Variants in PHF11 observed in about 807,000 individuals in gnomAD.
PHF11 encodes BRCA1 C-terminus-associated protein.
In PHF11, 38 loss-of-function variants were observed where a neutral mutation model predicts 40.5. The observed-to-expected ratio is 0.94, with a 90% confidence interval of 0.72 to 1.23. The LOEUF is 1.23. PHF11 is among the 50% of genes most tolerant of loss of function. The probability of loss-of-function intolerance (pLI) is 0.00; values close to 1 mark genes in which losing one functional copy is unlikely to be tolerated. For synonymous variants in PHF11, 127 were observed against 138.2 expected (o/e 0.92, Z 0.57); for missense variants, 369 against 392.4 (o/e 0.94, Z 0.50).
chr13:49,517,459 A>G (rs747838252), intron 3 of PHF11, among the ~76,000 whole-genome samples: 1 of 152,228 alleles, frequency 6.6e-6, no homozygotes, highest in Non-Finnish European at 1.5e-5. Context: ...TGAACCAAGA[A>G]AAAACTGTTA....
intron 4 of PHF11, among the ~76,000 whole-genome samples, chr13:49,519,839 CTTTG>C (rs931176882): frequency 2.0e-5 from 3 of 152,082 alleles, no homozygotes; most frequent in South Asian, 2.1e-4. Context: ...ATGAGATTAA[CTTTG>C]TTTGGGTGTT....
rs2139041238 is a variant in PHF11, at chr13:49,506,718, G to C, written c.178G>C (p.Ala60Pro). 3 of 1,608,270 alleles carry C rather than the reference G, an allele frequency of 1.9e-6. No homozygotes were observed. Among genetic ancestry groups the C allele is most frequent in the Middle Eastern group, 1.7e-4 (1 of 6,052 alleles). The change falls in exon 2 of 10, where the codon GCA (alanine) becomes CCA (proline). Residue 60 changes from alanine (A) to proline (P), a missense_variant. Ala to Pro is a conservative substitution (Grantham distance 27). Transcript: ENST00000378319. ...KDVEYNVLYF[A>P]QSENIAAHEN... Reference sequence around the variant, plus strand: ...TGTCGAATATAATGTCCTATACTTTGCACAATCAGAGAATATAGCTGCTCA... The same window carrying C: ...TGTCGAATATAATGTCCTATACTTTCCACAATCAGAGAATATAGCTGCTCA...
At chr13:49,522,827 T>C (rs531790348) in intron 6 of PHF11, among the ~76,000 whole-genome samples, 11 of 147,868 alleles carry the variant, frequency 7.4e-5, no homozygotes, top group Non-Finnish European at 1.3e-4. Context: ...TGCAATGGTG[T>C]GATCTAAGCT....
At chr13:49,519,249 C>T (rs1433505268) in intron 4 of PHF11, among the ~76,000 whole-genome samples, 2 of 152,152 alleles carry the variant, frequency 1.3e-5, no homozygotes, top group Non-Finnish European at 2.9e-5. Context: ...ATTTGATTCA[C>T]TAAGAAACTC....
At chr13:49,515,086 AGCAGGTACCTGAGGGTTTCT>A (rs1324154365) in intron 3 of PHF11, among the ~76,000 whole-genome samples, 2 of 152,164 alleles carry the variant, frequency 1.3e-5, no homozygotes, top group Non-Finnish European at 2.9e-5. Flanking sequence ...TTTGGGGGAA[AGCAGGTACCTGAGGGTTTCT>A]GCGGACCTTG....
chr13:49,510,441 G>T (rs1959067815), intron 2 of PHF11, among the ~76,000 whole-genome samples: 1 of 151,922 alleles, frequency 6.6e-6, no homozygotes, highest in Admixed American at 6.6e-5. Flanking sequence ...TATTTTTTCT[G>T]CTGTGAAACC....
Position 49,518,115 on chromosome 13 carries a change from C to T in PHF11, c.422C>T (p.Ala141Val), listed in dbSNP as rs1247171264. 6.2e-7 allele frequency: 1 copy of T among 1,608,068 alleles called. No homozygotes were observed. Among genetic ancestry groups the T allele is most frequent in the Non-Finnish European group, 8.5e-7 (1 of 1,175,436 alleles). The change falls in exon 4 of 10, where the codon GCA (alanine) becomes GTA (valine). Residue 141 changes from alanine (A) to valine (V), a missense_variant. Physicochemically the swap from Ala to Val is moderately conservative, Grantham distance 64 (BLOSUM62 0). Transcript: ENST00000378319. ...TTTTTCTGTGCCAAGAAGGACGACG[C>T]AGTTCCACAGTCTGATGGAGTTCGA... ...YHFFCAKKDD[A>V]VPQSDGVRGI...
chr13:49,513,613 G>T lies in PHF11; in HGVS notation c.324+447G>T, dbSNP rs573407303. 2.0e-5 allele frequency among the ~76,000 whole-genome samples: 3 copies of T among 150,258 alleles called. No individual in the cohort carries two copies. The East Asian group carries it at 5.9e-4, about 29-fold the overall frequency. On this transcript the variant is annotated intron_variant, in intron 3 of 9. Transcript: ENST00000378319. ...CCCAAAGTGCTGGGATTACAGGTGTGAGCCACCACGCCCGGCCAACATTTA... is the reference window on the plus strand; with the variant it reads ...CCCAAAGTGCTGGGATTACAGGTGTTAGCCACCACGCCCGGCCAACATTTA...
intron 1 of PHF11, among the ~76,000 whole-genome samples, chr13:49,503,300 C>T (rs1958934935): frequency 6.6e-6 from 1 of 152,150 alleles, no homozygotes; most frequent in African/African-American, 2.4e-5. Flanking sequence ...CTTGACAATA[C>T]TCCTTCCCAC....
At chr13:49,499,650 T>G (rs2139026271) in intron 1 of PHF11, among the ~76,000 whole-genome samples, 1 of 152,390 alleles carries the variant, frequency 6.6e-6, no homozygotes, top group Non-Finnish European at 1.5e-5. Flanking sequence ...TCTACTGTTT[T>G]GGTCTGTATC....
Position 49,526,446 on chromosome 13 carries a change from A to T in PHF11, c.829A>T (p.Asn277Tyr). 1 of 1,598,166 alleles carries T rather than the reference A, an allele frequency of 6.3e-7. No individual in the cohort carries two copies. ...DCRLFEDTFV[N>Y]FQAAIEKKIH... The stretch of plus-strand genomic sequence containing the variant: ...TAGATTGTTCGAAGACACATTTGTA[A>T]ATTTTCAAGCAGGTATATGAGTTAT... The change falls in exon 9 of 10, where the codon AAT (asparagine) becomes TAT (tyrosine). Residue 277 changes from asparagine (N) to tyrosine (Y), a missense_variant. By Grantham distance (143) the Asn-to-Tyr change is moderately radical. Coordinates refer to ENST00000378319, the MANE Select transcript of PHF11 (RefSeq NM_001040443.3).
chr13:49,502,214 T>C (rs568316747), intron 1 of PHF11, among the ~76,000 whole-genome samples: 1 of 152,204 alleles, frequency 6.6e-6, no homozygotes, highest in South Asian at 2.1e-4. Context: ...GGTGAGAGGA[T>C]CACTTGAGCT....
chr13:49,523,288 T>C (rs748715177), intron 7 of PHF11, 47 bp downstream of exon 7: 28 of 1,301,474 alleles, frequency 2.2e-5, no homozygotes, highest in African/African-American at 5.9e-5. Context: ...ACAATACTTA[T>C]AAAAATGTCA....
At chr13:49,499,587 C>A (rs2139026159) in intron 1 of PHF11, among the ~76,000 whole-genome samples, 1 of 152,314 alleles carries the variant, frequency 6.6e-6, no homozygotes, top group South Asian at 2.1e-4. Context: ...TGTGATGGAA[C>A]CATTCATTCT....
chr13:49,518,271 C>G (rs888896905), intron 4 of PHF11, 120 bp downstream of exon 4: 15 of 579,172 alleles, frequency 2.6e-5, no homozygotes, highest in Non-Finnish European at 4.3e-5. Context: ...GAGAACAAAG[C>G]CAGTTTGGGG....
chr13:49,519,119 G>A (rs1039013982), intron 4 of PHF11, among the ~76,000 whole-genome samples: 12 of 152,188 alleles, frequency 7.9e-5, no homozygotes, highest in Non-Finnish European at 1.6e-4. Flanking sequence ...ACAGGCGTGA[G>A]CCACCGCGCC....
intron 2 of PHF11, among the ~76,000 whole-genome samples, chr13:49,509,934 C>T (rs1417742251): frequency 1.3e-5 from 2 of 152,176 alleles, no homozygotes; most frequent in Non-Finnish European, 2.9e-5. Context: ...ACAATATAAA[C>T]GTCAAAATCA....
At chr13:49,516,657 C>A (rs970483540) in intron 3 of PHF11, among the ~76,000 whole-genome samples, 4 of 151,792 alleles carry the variant, frequency 2.6e-5, no homozygotes, top group Non-Finnish European at 5.9e-5. Context: ...AATCACAGCT[C>A]ACCGCAGCCT....
intron 5 of PHF11, 112 bp from the exon 6 acceptor site, chr13:49,521,931 C>T: frequency 3.7e-6 from 2 of 538,730 alleles, no homozygotes; most frequent in Non-Finnish European, 6.7e-6. Flanking sequence ...TGAAGTTTGC[C>T]ATATCTTTTG....
Sources: allele counts gnomAD v4.1 joint callset (sites outside exome capture counted in the v4.1 genomes callset), GRCh38; gene constraint gnomAD v4.1.1; transcripts MANE v1.5; gene names NCBI Gene and HGNC (gene_info 2026-07-23, HGNC 2026-07-21).